Variants in UNC13B observed in about 807,000 individuals in gnomAD.
UNC13B encodes the protein protein unc-13 homolog B.
UNC13B carries 144 observed loss-of-function variants against 211.0 expected under a neutral mutation model. That is an observed-to-expected ratio of 0.68 (90% CI 0.60 to 0.78). UNC13B has a LOEUF of 0.78. UNC13B is among the 30% of genes least tolerant of loss of function. The pLI is 0.00. For missense variants in UNC13B, 1,777 were observed against 2,002.0 expected, an observed-to-expected ratio of 0.89 and a Z score of 2.14; for synonymous variants, 709 against 725.8, an observed-to-expected ratio of 0.98 and a Z score of 0.37.
intron 7 of UNC13B, among the ~76,000 whole-genome samples, chr9:35,280,826 A>G (rs560563605): frequency 2.0e-4 from 30 of 152,318 alleles, no homozygotes; most frequent in African/African-American, 7.0e-4. Flanking sequence ...ATTATAATTT[A>G]TGTTCAGTTA....
At chr9:35,390,405 G>A (rs1835459132) in intron 25 of UNC13B, among the ~76,000 whole-genome samples, 1 of 152,188 alleles carries the variant, frequency 6.6e-6, no homozygotes. Flanking sequence ...GGCATCTTCT[G>A]CCCCCAGGCC....
Position 35,162,309 on chromosome 9 carries a change from A to G in UNC13B, c.22+4A>G. 2 of 1,543,784 alleles carry G rather than the reference A, an allele frequency of 1.3e-6. No individual in the cohort carries two copies. Among genetic ancestry groups the G allele is most frequent in the Non-Finnish European group, 1.7e-6 (2 of 1,149,730 alleles). On this transcript the variant is annotated splice_donor_region_variant and intron_variant, in intron 1 of 39. Transcript: ENST00000635942. ...ATGTCACTGCTCTGCGTGCGCGGTGAGTGCGCGGACTGAGGCGGGGAGGCG... is the reference window on the plus strand; with the variant it reads ...ATGTCACTGCTCTGCGTGCGCGGTGGGTGCGCGGACTGAGGCGGGGAGGCG...
intron 3 of UNC13B, 53 bp downstream of exon 3, chr9:35,231,272 G>A (rs1183023263): frequency 8.7e-7 from 1 of 1,150,296 alleles, no homozygotes; most frequent in Non-Finnish European, 1.3e-6. Flanking sequence ...CTTTTTAAGG[G>A]AATTGCATTG....
At chr9:35,280,432 A>C (rs1450879857) in intron 7 of UNC13B, among the ~76,000 whole-genome samples, 1 of 152,136 alleles carries the variant, frequency 6.6e-6, no homozygotes, top group Non-Finnish European at 1.5e-5. Context: ...GTGGGAAGTA[A>C]AGGATCAGAC....
chr9:35,286,585 C>T (rs1828808898), intron 7 of UNC13B, among the ~76,000 whole-genome samples: 1 of 151,924 alleles, frequency 6.6e-6, no homozygotes, highest in Admixed American at 6.6e-5. Flanking sequence ...CCAGGTCAGG[C>T]ACAGTGGCTC....
chr9:35,271,200 A>G (rs1322381455), intron 7 of UNC13B, among the ~76,000 whole-genome samples: 1 of 151,502 alleles, frequency 6.6e-6, no homozygotes, highest in Non-Finnish European at 1.5e-5. Context: ...CATCTTTGTT[A>G]AAATCATTCT....
At chr9:35,371,349 CTT>C (rs751513784) in intron 13 of UNC13B, among the ~76,000 whole-genome samples, 14 of 138,796 alleles carry the variant, frequency 1.0e-4, no homozygotes, top group Non-Finnish European at 7.8e-5. Context: ...TTCTTTCTTT[CTT>C]TTTTTTTTTT....
At position 35,380,996 on chromosome 9, in the gene UNC13B, T is replaced by TTTCCTTGGGTTGGCCCCTTCTC. The variant is rs574985508; in HGVS notation, c.10376-92_10376-71dup. 3.5e-4 allele frequency: 401 copies of TTTCCTTGGGTTGGCCCCTTCTC among 1,146,122 alleles called. 4 individuals are homozygous for TTTCCTTGGGTTGGCCCCTTCTC. The South Asian group carries it at 5.9e-3, about 17-fold the overall frequency. 71.0% of individuals were successfully genotyped at this position (1,146,122 alleles called of 1,614,324 possible). ...GTGAGTCCTTGGGTTGGCCCCTTCT[T>TTTCCTTGGGTTGGCCCCTTCTC]TTCCTTGGGTTGGCCCCTTCTCTTC... is the stretch of plus-strand genomic sequence containing the variant. On this transcript the variant is annotated intron_variant, in intron 18 of 39. Transcript: ENST00000635942.
intron 7 of UNC13B, among the ~76,000 whole-genome samples, chr9:35,289,824 A>G (rs1168559747): frequency 6.6e-6 from 1 of 152,034 alleles, no homozygotes; most frequent in Non-Finnish European, 1.5e-5. Context: ...TGAAAATACA[A>G]AAATTAGCCA....
chr9:35,347,815 G>C (rs1587670218), intron 11 of UNC13B, among the ~76,000 whole-genome samples: 1 of 152,310 alleles, frequency 6.6e-6, no homozygotes, highest in East Asian at 1.9e-4. Flanking sequence ...CAGTCTTCAG[G>C]AGGCCACAGG....
intron 7 of UNC13B, among the ~76,000 whole-genome samples, chr9:35,292,531 T>C (rs1356510199): frequency 6.6e-6 from 1 of 152,180 alleles, no homozygotes; most frequent in Non-Finnish European, 1.5e-5. Context: ...CAAAGCCATC[T>C]CCTCCTTAAA....
At chr9:35,341,244 C>T (rs899661747) in intron 11 of UNC13B, among the ~76,000 whole-genome samples, 1 of 152,308 alleles carries the variant, frequency 6.6e-6, no homozygotes, top group Non-Finnish European at 1.5e-5. Flanking sequence ...CTCCTTCTCT[C>T]GGGTTGTTGC....
chr9:35,381,636 G>A lies in UNC13B; in HGVS notation c.10572G>A (p.Lys3524=), dbSNP rs1048233482. ...IPEARGDDAW[K]VYFDETAQEI... ...AAGCTCGAGGAGACGATGCCTGGAA[G>A]GTGTACTTTGATGAGACAGCCCAAG... The change falls in exon 20 of 40, where the codon AAG becomes AAA. Residue 3524 remains lysine, a synonymous_variant. Transcript: ENST00000635942. The A allele has an allele frequency of 6.2e-7, 1 of 1,614,242 alleles. No individual in the cohort carries two copies. The highest frequency in any genetic ancestry group is 1.7e-5 in the Admixed American group (1 of 60,032).
chr9:35,342,297 A>AT (rs372094156), intron 11 of UNC13B: 953 of 827,514 alleles, frequency 1.2e-3, no homozygotes, highest in South Asian at 2.0e-3. Context: ...CATGGTTTTA[A>AT]TTTTTTTTTT....
intron 11 of UNC13B, chr9:35,351,384 C>G: frequency 1.6e-6 from 2 of 1,228,662 alleles, no homozygotes; most frequent in Non-Finnish European, 2.0e-6. Flanking sequence ...TGGGCTAAGC[C>G]CAAAGCATCA....
chr9:35,327,307 A>G (rs2131942307), intron 11 of UNC13B, among the ~76,000 whole-genome samples: 1 of 152,288 alleles, frequency 6.6e-6, no homozygotes, highest in East Asian at 1.9e-4. Context: ...AGTCCCATGC[A>G]TGATAGGCTG....
rs1820816329 is a variant in UNC13B at position 35,162,257 on chromosome 9, C to CGGCAGAGGCTT, written c.-25_-15dup. The CGGCAGAGGCTT allele has an allele frequency of 6.5e-7, 1 of 1,542,266 alleles. No homozygotes were observed. On this transcript the variant is annotated 5_prime_UTR_variant, in exon 1 of 40. Transcript: ENST00000635942. ...GGAGCGGTCCGGCGCGGCTGGGGCG[C>CGGCAGAGGCTT]GGCAGAGGCTTGCCCGATCCTCGGC...
Position 35,170,531 on chromosome 9 carries a change from C to T in UNC13B, c.22+8226C>T, listed in dbSNP as rs191956046. 1.8e-3 allele frequency among the ~76,000 whole-genome samples: 279 copies of T among 151,928 alleles called. 2 individuals carry two copies. Among genetic ancestry groups the T allele is most frequent in the South Asian group, 0.014 (68 of 4,798 alleles). The stretch of plus-strand genomic sequence containing the variant: ...TTGCCCAGGCTGGAGTGCAATGGTG[C>T]GAACATGGCTCTCTGCAGCCTCGAC... On this transcript the variant is annotated intron_variant, in intron 1 of 39. Transcript: ENST00000635942.
rs1835147643 is a variant in UNC13B, at chr9:35,385,761, A to T, written c.10913A>T (p.Asp3638Val). The T allele has an allele frequency of 6.2e-7, 1 of 1,610,282 alleles. No individual in the cohort carries two copies. The highest frequency in any genetic ancestry group is 8.5e-7 in the Non-Finnish European group (1 of 1,176,772). ...GCTGGGAGTCCTGAACGGCTTCAGG[A>T]CTTAAAATCCACAGTGGATTTGCTG... Reference protein sequence around the residue: ...FPAGSPERLQDLKSTVDLLTS... With the variant: ...FPAGSPERLQVLKSTVDLLTS... The change falls in exon 23 of 40, where the codon GAC (aspartate) becomes GTC (valine). Residue 3638 changes from aspartate (D) to valine (V), a missense_variant. By Grantham distance (152) the Asp-to-Val change is radical. Coordinates refer to ENST00000635942, the MANE Select transcript of UNC13B (RefSeq NM_001371189.2).
Sources: allele counts gnomAD v4.1 joint callset (sites outside exome capture counted in the v4.1 genomes callset), GRCh38; gene constraint gnomAD v4.1.1; transcripts MANE v1.5; gene names NCBI Gene and HGNC (gene_info 2026-07-23, HGNC 2026-07-21).